The following KPNA4 variants were observed in gnomAD, a reference collection of about 807,000 sequenced individuals.
The protein encoded by KPNA4 is importin subunit alpha-3.
In KPNA4, 13 loss-of-function variants were observed where a neutral mutation model predicts 71.3. That is an observed-to-expected ratio of 0.18 (90% confidence interval 0.12 to 0.29). The LOEUF (loss-of-function observed/expected upper bound fraction) is 0.29, where lower values mean the gene tolerates loss of function less well. KPNA4 is among the 10% of genes least tolerant of loss of function. The probability of loss-of-function intolerance (pLI) is 1.00; values close to 1 mark genes in which losing one functional copy is unlikely to be tolerated. For synonymous variants in KPNA4, 189 were observed against 195.2 expected (o/e 0.97, Z 0.26); for missense variants, 334 against 603.2 (o/e 0.55, Z 4.67).
intron 11 of KPNA4, among the ~76,000 whole-genome samples, 182 bp downstream of exon 11, chr3:160,521,597 T>C (rs991282733): frequency 1.3e-5 from 2 of 152,102 alleles, no homozygotes; most frequent in African/African-American, 4.8e-5. Context: ...TGAGACCCCA[T>C]CTTAAAAAAA....
Position 160,527,946 on chromosome 3 carries a change from T to C in KPNA4, c.556+7A>G, listed in dbSNP as rs914533010. ...TTTTAGACTAGTATTACAAGTTTTA[T>C]ACAAACCTATGATATTTCCCAATGC... On this transcript the variant is annotated splice_region_variant and intron_variant, in intron 8 of 16. Transcript: ENST00000334256. 1 of 1,603,216 alleles carries C rather than the reference T, an allele frequency of 6.2e-7. No homozygotes were observed. Among genetic ancestry groups the C allele is most frequent in the Admixed American group, 1.7e-5 (1 of 59,914 alleles).
At chr3:160,558,107 G>C (rs7621724) in intron 1 of KPNA4, among the ~76,000 whole-genome samples, 81,312 of 152,054 alleles carry the variant, frequency 0.53, 22,267 homozygotes, top group African/African-American at 0.57. Flanking sequence ...TATTTACAAT[G>C]TTTTGAGAAA....
chr3:160,513,828 AGG>A, intron 13 of KPNA4, among the ~76,000 whole-genome samples: 1 of 152,316 alleles, frequency 6.6e-6, no homozygotes, highest in South Asian at 2.1e-4. Flanking sequence ...AGTATGGCCT[AGG>A]ATAATGGCAA....
At chr3:160,550,179 A>G (rs1398981885) in intron 1 of KPNA4, among the ~76,000 whole-genome samples, 1 of 152,156 alleles carries the variant, frequency 6.6e-6, no homozygotes, top group Non-Finnish European at 1.5e-5. Flanking sequence ...TTTGTTATAG[A>G]TTTGGATGTC....
intron 1 of KPNA4, among the ~76,000 whole-genome samples, chr3:160,540,773 T>C (rs1004289091): frequency 6.6e-6 from 1 of 152,168 alleles, no homozygotes; most frequent in Non-Finnish European, 1.5e-5. Context: ...GGCCAAAGGC[T>C]TATGTATAGG....
chr3:160,540,126 A>T (rs1332249069), intron 1 of KPNA4, among the ~76,000 whole-genome samples: 1 of 150,838 alleles, frequency 6.6e-6, no homozygotes, highest in Non-Finnish European at 1.5e-5. Context: ...CAGCCTCCTG[A>T]GTAGCTGGGA....
At chr3:160,520,882 A>G (rs1027523722) in intron 11 of KPNA4, among the ~76,000 whole-genome samples, 2 of 152,250 alleles carry the variant, frequency 1.3e-5, no homozygotes, top group African/African-American at 4.8e-5. Context: ...TCAGAAAGGT[A>G]GAGGGAGCTT....
At chr3:160,537,672 A>G (rs554369929) in intron 1 of KPNA4, among the ~76,000 whole-genome samples, 95 of 149,944 alleles carry the variant, frequency 6.3e-4, no homozygotes, top group Middle Eastern at 3.4e-3. Flanking sequence ...CTTAAATCCA[A>G]AACTGAACTT....
At chr3:160,508,502 C>T (rs897632702) in intron 14 of KPNA4, among the ~76,000 whole-genome samples, 2 of 152,090 alleles carry the variant, frequency 1.3e-5, no homozygotes, top group African/African-American at 4.8e-5. Context: ...AATCACTCAA[C>T]TTCATATTAA....
chr3:160,514,769 T>A, intron 12 of KPNA4: 2 of 343,586 alleles, frequency 5.8e-6, no homozygotes, highest in South Asian at 4.7e-5. Flanking sequence ...CCTATCTTAA[T>A]CTTTTTATGT....
intron 16 of KPNA4, 119 bp downstream of exon 16, chr3:160,504,839 C>A: frequency 2.5e-6 from 1 of 398,402 alleles, no homozygotes; most frequent in East Asian, 3.9e-5. Context: ...TGTCATACAT[C>A]TATTTTAATT....
Position 160,536,779 on chromosome 3 carries a change from A to G in KPNA4, c.114+17T>C, listed in dbSNP as rs745814734. On this transcript the variant is annotated intron_variant, in intron 2 of 16. Coordinates refer to ENST00000334256, the MANE Select transcript of KPNA4 (RefSeq NM_002268.5). Reference sequence around the variant, plus strand: ...TTAGAATTATGCTTAGAAGTACCCAATATTAATCAGACTCACCTTCCTTAA... The same window carrying G: ...TTAGAATTATGCTTAGAAGTACCCAGTATTAATCAGACTCACCTTCCTTAA... 2.6e-6 allele frequency: 4 copies of G among 1,513,228 alleles called. No individual in the cohort carries two copies. Among genetic ancestry groups the G allele is most frequent in the South Asian group, 1.2e-5 (1 of 85,452 alleles). The allele number at this position is 1,513,228 out of a possible 1,614,324, so 93.7% of individuals were successfully genotyped here.
chr3:160,540,003 T>C lies in KPNA4; in HGVS notation c.70-3163A>G, dbSNP rs989081842. Among the ~76,000 whole-genome samples the C allele has an allele frequency of 1.4e-4, 21 of 148,676 alleles. 1 individual carries two copies. The highest frequency in any genetic ancestry group is 4.7e-4 in the Admixed American group (7 of 15,042). ...AAAAATTTTCTTTTTCTTTTCTTTTTTTTTTTTTTTTGGTGAGACGGAGTC... is the reference window on the plus strand; with the variant it reads ...AAAAATTTTCTTTTTCTTTTCTTTTCTTTTTTTTTTTGGTGAGACGGAGTC... On this transcript the variant is annotated intron_variant, in intron 1 of 16. Transcript: ENST00000334256.
At chr3:160,515,618 C>CTTTT in intron 11 of KPNA4, 38 bp from the exon 12 acceptor site, 5 of 1,449,628 alleles carry the variant, frequency 3.4e-6, no homozygotes, top group Non-Finnish European at 3.8e-6. Context: ...ATGTGAAATC[C>CTTTT]TTTTTTTTTT....
At chr3:160,563,579 TTATAGGGA>T (rs1388481781) in intron 1 of KPNA4, among the ~76,000 whole-genome samples, 5 of 152,048 alleles carry the variant, frequency 3.3e-5, no homozygotes, top group Non-Finnish European at 5.9e-5. Context: ...GAAAAAAGGG[TTATAGGGA>T]TCTGTCAAGC....
rs1364926465 is a variant in KPNA4 at position 160,495,890 on chromosome 3, C to T, written c.*6214G>A. ...GGTTGTCTTGATTCCCCGCCCCCAC[C>T]ACAATTATGAATCAAAAGATGGAGT... On this transcript the variant is annotated 3_prime_UTR_variant, in exon 17 of 17. Coordinates refer to ENST00000334256, the MANE Select transcript of KPNA4 (RefSeq NM_002268.5). 6.7e-6 allele frequency: 1 copy of T among 149,812 alleles called. No individual in the cohort carries two copies. The highest frequency in any genetic ancestry group is 1.5e-5 in the Non-Finnish European group (1 of 67,770). The allele number at this position is 149,812 out of a possible 1,614,324, so 9.3% of individuals were successfully genotyped here.
intron 15 of KPNA4, among the ~76,000 whole-genome samples, 181 bp downstream of exon 15, chr3:160,507,926 C>G (rs539998747): frequency 2.1e-4 from 32 of 152,348 alleles, no homozygotes; most frequent in Admixed American, 8.5e-4. Context: ...GGCAGCAATT[C>G]AGTTACCTAA....
chr3:160,562,208 A>C (rs1722257670), intron 1 of KPNA4, among the ~76,000 whole-genome samples: 1 of 152,178 alleles, frequency 6.6e-6, no homozygotes, highest in Non-Finnish European at 1.5e-5. Context: ...GTCCAAGTGG[A>C]GGTATGCCAT....
intron 13 of KPNA4, among the ~76,000 whole-genome samples, chr3:160,510,238 C>T (rs1308625836): frequency 6.6e-6 from 1 of 152,028 alleles, no homozygotes; most frequent in East Asian, 1.9e-4. Flanking sequence ...CTTTTACACA[C>T]AAAAATGATA....
Sources: gnomAD v4.1 joint callset for allele counts (sites outside exome capture counted in the v4.1 genomes callset) on GRCh38, gnomAD v4.1.1 for gene constraint, MANE v1.5 for transcripts, NCBI Gene and HGNC (gene_info 2026-07-23, HGNC 2026-07-21) for gene names.